The following COP1 variants were observed in gnomAD, a reference collection of about 807,000 sequenced individuals.
The protein encoded by COP1 is COP1 E3 ubiquitin ligase.
In COP1, 24 loss-of-function variants were observed where a neutral mutation model predicts 101.3. That is an observed-to-expected ratio of 0.24 (90% CI 0.17 to 0.33). COP1 has a LOEUF of 0.33. Among genes scored for constraint, COP1 ranks in the 10% least tolerant of loss-of-function variants. The probability of loss-of-function intolerance (pLI) is 1.00; values close to 1 mark genes in which losing one functional copy is unlikely to be tolerated. For missense variants in COP1, 663 were observed against 906.2 expected (o/e 0.73, Z 3.45); for synonymous variants, 347 against 341.9 (o/e 1.01, Z -0.17).
intron 14 of COP1, among the ~76,000 whole-genome samples, chr1:176,033,288 T>G (rs1173397841): frequency 1.3e-5 from 2 of 151,644 alleles, no homozygotes; most frequent in Non-Finnish European, 2.9e-5. Flanking sequence ...GGGGCGAGGG[T>G]GGGGGGAACA....
At chr1:176,057,145 A>G (rs916095175) in intron 11 of COP1, among the ~76,000 whole-genome samples, 7 of 152,240 alleles carry the variant, frequency 4.6e-5, no homozygotes, top group Non-Finnish European at 1.5e-5. Flanking sequence ...CTTACTAATT[A>G]TAAGTAGGTG....
At chr1:175,986,101 G>C (rs745425567) in intron 18 of COP1, among the ~76,000 whole-genome samples, 69 of 152,114 alleles carry the variant, frequency 4.5e-4, no homozygotes, top group Non-Finnish European at 8.5e-4. Context: ...CTCACTGCAA[G>C]CTCTGCCTCG....
chr1:176,188,930 A>C (rs565726745), intron 1 of COP1, among the ~76,000 whole-genome samples: 1 of 152,168 alleles, frequency 6.6e-6, no homozygotes, highest in Non-Finnish European at 1.5e-5. Context: ...TTGAAGTCAC[A>C]GATGACAGAG....
rs1251703890 is a variant in COP1 at position 176,058,190 on chromosome 1, G to GGA, written c.1278-11867_1278-11866insTC. Among the ~76,000 whole-genome samples, 13 of 149,606 alleles carry GGA rather than the reference G, an allele frequency of 8.7e-5. No homozygotes were observed. The South Asian group carries it at 2.3e-3, about 27-fold the overall frequency. ...CCGCCCCGCCCGGTAGGGAGGGGGG[G>GGA]GGTCAGCCCCTGCCCAGCCGCCCCT... On this transcript the variant is annotated intron_variant, in intron 11 of 19. Coordinates refer to ENST00000367669, the MANE Select transcript of COP1 (RefSeq NM_022457.7).
chr1:175,973,314 AC>A (rs1653734485), intron 18 of COP1, among the ~76,000 whole-genome samples: 1 of 152,126 alleles, frequency 6.6e-6, no homozygotes, highest in African/African-American at 2.4e-5. Context: ...GAAATGGGAA[AC>A]TCAGGACTGG....
At chr1:176,094,060 G>A (rs1558094622) in intron 9 of COP1, among the ~76,000 whole-genome samples, 3 of 151,534 alleles carry the variant, frequency 2.0e-5, no homozygotes, top group Non-Finnish European at 2.9e-5. Context: ...TCTGTTTAAC[G>A]GAAAAACAGA....
At chr1:176,003,003 TC>T (rs1235206899) in intron 15 of COP1, among the ~76,000 whole-genome samples, 2 of 149,940 alleles carry the variant, frequency 1.3e-5, no homozygotes, top group East Asian at 3.9e-4. Context: ...TTTCTCCACA[TC>T]CTCTCCAGCA....
chr1:176,094,148 C>T (rs1237874872), intron 9 of COP1, among the ~76,000 whole-genome samples: 1 of 152,004 alleles, frequency 6.6e-6, no homozygotes, highest in Non-Finnish European at 1.5e-5. Flanking sequence ...AGGAAGTAGT[C>T]AGCAACACTG....
At chr1:175,995,829 C>G (rs150419802) in intron 15 of COP1, among the ~76,000 whole-genome samples, 3,817 of 152,276 alleles carry the variant, frequency 0.025, 153 homozygotes, top group African/African-American at 0.087. Flanking sequence ...CAAGGAGGAA[C>G]TGGTATCATT....
At chr1:176,092,459 T>G (rs1681505435) in intron 9 of COP1, among the ~76,000 whole-genome samples, 1 of 152,160 alleles carries the variant, frequency 6.6e-6, no homozygotes, top group Admixed American at 6.5e-5. Flanking sequence ...ATACAAACTG[T>G]AAGAAGATAT....
chr1:176,009,554 C>G (rs1405448545), intron 15 of COP1, among the ~76,000 whole-genome samples: 1 of 152,096 alleles, frequency 6.6e-6, no homozygotes, highest in African/African-American at 2.4e-5. Flanking sequence ...AAGGTTTTTA[C>G]AGTGAGTTAT....
intron 15 of COP1, among the ~76,000 whole-genome samples, chr1:176,005,709 A>C (rs546661964): frequency 2.0e-4 from 30 of 151,130 alleles, no homozygotes; most frequent in South Asian, 8.5e-4. Context: ...GCACTGTGGT[A>C]TGAGAGATAG....
chr1:176,182,168 A>G lies in COP1; in HGVS notation c.467+2465T>C, dbSNP rs138225692. Among the ~76,000 whole-genome samples, 400 of 152,366 alleles carry G rather than the reference A, an allele frequency of 2.6e-3. 3 individuals are homozygous for G. Among genetic ancestry groups the G allele is most frequent in the African/African-American group, 9.2e-3 (382 of 41,580 alleles). On this transcript the variant is annotated intron_variant, in intron 2 of 19. Transcript: ENST00000367669. ...TGGATATGTAAGTTACAGGACACTC[A>G]AGAAAATTAAAAACCTCACTTCACA... is the stretch of plus-strand genomic sequence containing the variant.
intron 12 of COP1, among the ~76,000 whole-genome samples, chr1:176,044,262 C>T (rs1186898973): frequency 2.0e-5 from 3 of 152,164 alleles, no homozygotes; most frequent in East Asian, 1.9e-4. Flanking sequence ...GTATTTACAT[C>T]CCAAAAGTCT....
At chr1:176,075,753 C>A (rs1323178659) in intron 11 of COP1, among the ~76,000 whole-genome samples, 1 of 151,996 alleles carries the variant, frequency 6.6e-6, no homozygotes, top group African/African-American at 2.4e-5. Context: ...GCCTGTAATA[C>A]CAGTAGTTTG....
At chr1:176,069,461 T>C (rs1187235977) in intron 11 of COP1, among the ~76,000 whole-genome samples, 1 of 152,344 alleles carries the variant, frequency 6.6e-6, no homozygotes, top group Non-Finnish European at 1.5e-5. Context: ...TACTATTTAT[T>C]TTCTACCTTG....
intron 1 of COP1, among the ~76,000 whole-genome samples, chr1:176,190,320 A>G (rs1294436426): frequency 6.6e-6 from 1 of 152,032 alleles, no homozygotes; most frequent in Admixed American, 6.6e-5. Context: ...GAGCATTTCA[A>G]ATTTCAGATT....
At chr1:176,094,195 A>C (rs1202650018) in intron 9 of COP1, among the ~76,000 whole-genome samples, 1 of 152,134 alleles carries the variant, frequency 6.6e-6, no homozygotes, top group Non-Finnish European at 1.5e-5. Flanking sequence ...TTTTTATAGT[A>C]AACTCATTTT....
At chr1:176,037,111 C>A (rs913477719) in intron 14 of COP1, among the ~76,000 whole-genome samples, 1 of 152,084 alleles carries the variant, frequency 6.6e-6, no homozygotes, top group Non-Finnish European at 1.5e-5. Flanking sequence ...CATTTAAGAA[C>A]AAAAGAATAG....
Sources: gnomAD v4.1 joint callset for allele counts (sites outside exome capture counted in the v4.1 genomes callset) on GRCh38, gnomAD v4.1.1 for gene constraint, MANE v1.5 for transcripts, NCBI Gene and HGNC (gene_info 2026-07-23, HGNC 2026-07-21) for gene names.